Variants in TMTC1 observed in about 807,000 individuals in gnomAD.
The protein encoded by TMTC1 is protein O-mannosyl-transferase TMTC1.
TMTC1 carries 73 observed loss-of-function variants against 104.8 expected under a neutral mutation model. The observed-to-expected ratio is 0.70, with a 90% CI of 0.58 to 0.85. TMTC1 has a LOEUF of 0.85. TMTC1 is among the 40% of genes least tolerant of loss of function. TMTC1 has a pLI of 0.00. For synonymous variants in TMTC1, 434 were observed against 428.7 expected (o/e 1.01, Z -0.15); for missense variants, 1,035 against 1,096.1 (o/e 0.94, Z 0.79).
chr12:29,556,424 A>G (rs1238558334), intron 10 of TMTC1, among the ~76,000 whole-genome samples: 1 of 152,214 alleles, frequency 6.6e-6, no homozygotes, highest in African/African-American at 2.4e-5. Context: ...ATTATGGAAT[A>G]TTTGTCTTTG....
chr12:29,512,235 G>A (rs992369232), intron 16 of TMTC1, 115 bp from the exon 17 acceptor site: 23 of 734,068 alleles, frequency 3.1e-5, no homozygotes, highest in East Asian at 1.9e-4. Context: ...GAAACCAGCC[G>A]CTACTAGTTC....
At chr12:29,701,028 C>CT (rs761664217) in intron 5 of TMTC1, among the ~76,000 whole-genome samples, 11,738 of 142,656 alleles carry the variant, frequency 0.082, 1,228 homozygotes, top group African/African-American at 0.24. Flanking sequence ...GAATTTCTTT[C>CT]TTTTTTTTTT....
intron 8 of TMTC1, among the ~76,000 whole-genome samples, chr12:29,572,592 T>C (rs150939741): frequency 1.5e-3 from 222 of 152,260 alleles, no homozygotes; most frequent in African/African-American, 5.1e-3. Flanking sequence ...CAATGGTATA[T>C]CTGAGAGCAC....
In TMTC1 at chr12:29,550,674, A is replaced by C. The variant is rs549397804; in HGVS notation, c.1676+6183T>G. 3.3e-5 allele frequency among the ~76,000 whole-genome samples: 5 copies of C among 152,294 alleles called. No individual in the cohort carries two copies. In the South Asian group the frequency reaches 1.0e-3, roughly 32 times the overall value. On this transcript the variant is annotated intron_variant, in intron 10 of 17. Transcript: ENST00000539277. ...ATGTTGGTAAATGCTAAGGTAGAGC[A>C]TAAATGGGGGGCCCTGAAGGGACAG...
intron 5 of TMTC1, among the ~76,000 whole-genome samples, chr12:29,661,075 G>T (rs1452644368): frequency 6.6e-6 from 1 of 151,996 alleles, no homozygotes; most frequent in African/African-American, 2.4e-5. Flanking sequence ...GAGACCTCGG[G>T]CAAGTTTCCG....
Position 29,768,023 on chromosome 12 carries a change from T to C in TMTC1, c.355A>G (p.Ile119Val). ...AGAGTCACTAAGCAGTGTAAAATTA[T>C]ATTTACTGCATGAAAGTAGAATGGG... is the stretch of plus-strand genomic sequence containing the variant. ...MNPFYFHAVNIILHCLVTLVL... is the reference protein window; with the variant it reads ...MNPFYFHAVNVILHCLVTLVL... The change falls in exon 2 of 18, where the codon ATA becomes GTA. Residue 119 changes from isoleucine to valine, a missense_variant. Coordinates refer to ENST00000539277, the MANE Select transcript of TMTC1 (RefSeq NM_001193451.2). The C allele has an allele frequency of 6.2e-7, 1 of 1,613,682 alleles. No homozygotes were observed. Among genetic ancestry groups the C allele is most frequent in the Non-Finnish European group, 8.5e-7 (1 of 1,179,784 alleles).
At chr12:29,660,803 C>G (rs766708647) in intron 5 of TMTC1, 1 of 1,299,050 alleles carries the variant, frequency 7.7e-7, no homozygotes, top group Admixed American at 2.4e-5. Context: ...TATATACTTA[C>G]ATAACTTAGG....
chr12:29,697,881 C>CA (rs1424499182), intron 5 of TMTC1, among the ~76,000 whole-genome samples: 1 of 151,978 alleles, frequency 6.6e-6, no homozygotes, highest in Admixed American at 6.5e-5. Context: ...TACTCCCAAC[C>CA]AAAAAAAGAA....
intron 10 of TMTC1, among the ~76,000 whole-genome samples, chr12:29,541,723 A>G (rs1944804112): frequency 6.7e-6 from 1 of 148,284 alleles, no homozygotes; most frequent in African/African-American, 2.5e-5. Flanking sequence ...CAGTGGAGCA[A>G]TCTCAGCTCA....
chr12:29,606,945 G>A (rs1270413207), intron 6 of TMTC1, among the ~76,000 whole-genome samples: 1 of 150,508 alleles, frequency 6.6e-6, no homozygotes, highest in Non-Finnish European at 1.5e-5. Context: ...AGTGGTGGGT[G>A]TCAGTTGGGA....
chr12:29,764,214 G>C (rs1006563848), intron 2 of TMTC1, among the ~76,000 whole-genome samples: 1 of 152,192 alleles, frequency 6.6e-6, no homozygotes, highest in Non-Finnish European at 1.5e-5. Context: ...TGTAACAGCA[G>C]ATCCTCAGAT....
chr12:29,671,984 T>G (rs923897592), intron 5 of TMTC1, among the ~76,000 whole-genome samples: 1 of 152,126 alleles, frequency 6.6e-6, no homozygotes, highest in Admixed American at 6.5e-5. Context: ...GCACATACAG[T>G]ATAGGCAGCC....
chr12:29,619,032 A>C (rs1443761280), intron 6 of TMTC1, among the ~76,000 whole-genome samples: 1 of 152,212 alleles, frequency 6.6e-6, no homozygotes, highest in Non-Finnish European at 1.5e-5. Flanking sequence ...CTGAGTAATA[A>C]TATAGACTAT....
chr12:29,768,091 A>G lies in TMTC1; in HGVS notation c.303-16T>C, dbSNP rs1228055988. On this transcript the variant is annotated splice_polypyrimidine_tract_variant and intron_variant, in intron 1 of 17. Coordinates refer to ENST00000539277, the MANE Select transcript of TMTC1 (RefSeq NM_001193451.2). ...TATGTTTAGCCTGTAAAACAAAAGA[A>G]AAAAGAAAAAAACTGCATTAGCTAC... 6.5e-7 allele frequency: 1 copy of G among 1,541,708 alleles called. No individual in the cohort carries two copies. The highest frequency in any genetic ancestry group is 2.3e-5 in the East Asian group (1 of 43,818).
At chr12:29,772,722 T>C (rs1943622401) in intron 1 of TMTC1, among the ~76,000 whole-genome samples, 1 of 152,144 alleles carries the variant, frequency 6.6e-6, no homozygotes, top group African/African-American at 2.4e-5. Flanking sequence ...CACAAAGAAG[T>C]ATAATGACAA....
intron 5 of TMTC1, among the ~76,000 whole-genome samples, chr12:29,718,915 A>C (rs1221034299): frequency 7.0e-6 from 1 of 143,458 alleles, no homozygotes; most frequent in Non-Finnish European, 1.5e-5. Flanking sequence ...CCTGGGTGAC[A>C]GAGCGAGACT....
intron 5 of TMTC1, among the ~76,000 whole-genome samples, chr12:29,643,496 A>C (rs1938978511): frequency 1.4e-5 from 1 of 69,694 alleles, no homozygotes; most frequent in African/African-American, 5.7e-5. Context: ...AAAATATTAT[A>C]TATTATATAT....
At chr12:29,513,368 G>A (rs1481495317) in intron 16 of TMTC1, among the ~76,000 whole-genome samples, 1 of 151,680 alleles carries the variant, frequency 6.6e-6, no homozygotes, top group Non-Finnish European at 1.5e-5. Flanking sequence ...TCACAATTAA[G>A]TTATTAATAA....
chr12:29,694,745 G>T (rs775108318), intron 5 of TMTC1, among the ~76,000 whole-genome samples: 1 of 152,050 alleles, frequency 6.6e-6, no homozygotes, highest in Non-Finnish European at 1.5e-5. Context: ...CTCGAGACCA[G>T]CCTGGCCAAC....
Sources: allele counts gnomAD v4.1 joint callset (sites outside exome capture counted in the v4.1 genomes callset), GRCh38; gene constraint gnomAD v4.1.1; transcripts MANE v1.5; gene names NCBI Gene and HGNC (gene_info 2026-07-23, HGNC 2026-07-21).